EXOC2: variants seen among roughly 807,000 people sequenced by gnomAD.
EXOC2 encodes exocyst complex component 2, also known as SEC5-like 1.
A neutral mutation model predicts 131.8 loss-of-function variants in EXOC2; 70 were observed. The ratio of observed to expected loss-of-function variants is 0.53; its 90% CI spans 0.44 to 0.65. The LOEUF (loss-of-function observed/expected upper bound fraction) is 0.65, where lower values mean the gene tolerates loss of function less well. Among genes scored for constraint, EXOC2 ranks in the 30% least tolerant of loss-of-function variants. The pLI is 0.00. For missense variants in EXOC2, 923 were observed against 1,108.6 expected (o/e 0.83, Z 2.38); for synonymous variants, 411 against 398.4 (o/e 1.03, Z -0.38).
intron 4 of EXOC2, among the ~76,000 whole-genome samples, chr6:627,870 T>C (rs1033985382): frequency 6.6e-6 from 1 of 152,228 alleles, no homozygotes; most frequent in African/African-American, 2.4e-5. Context: ...TAAGTAACAA[T>C]CTGTACAGTA....
At chr6:593,972 C>G (rs969052175) in intron 10 of EXOC2, among the ~76,000 whole-genome samples, 1 of 152,138 alleles carries the variant, frequency 6.6e-6, no homozygotes, top group African/African-American at 2.4e-5. Flanking sequence ...TGTGGGGAGC[C>G]GGATATCCAG....
intron 9 of EXOC2, among the ~76,000 whole-genome samples, chr6:598,500 G>A (rs969034784): frequency 6.6e-6 from 1 of 152,212 alleles, no homozygotes; most frequent in African/African-American, 2.4e-5. Context: ...TTTAAAGGAG[G>A]TTGGAATTCT....
chr6:501,730 G>GTA lies in EXOC2; in HGVS notation c.2381-2032_2381-2031dup, dbSNP rs146473956. On this transcript the variant is annotated intron_variant, in intron 23 of 27. Coordinates refer to ENST00000230449, the MANE Select transcript of EXOC2 (RefSeq NM_018303.6). Reference sequence around the variant, plus strand: ...CTATATAAAAGATATATCTATCTATGTATATATATTGGCTCCTCAAAACAA... The same window carrying GTA: ...CTATATAAAAGATATATCTATCTATGTATATATATATTGGCTCCTCAAAACAA... Among the ~76,000 whole-genome samples, 246 of 137,904 alleles carry GTA rather than the reference G, an allele frequency of 1.8e-3. 6 individuals are homozygous for GTA. The East Asian group carries it at 0.044, about 25-fold the overall frequency. 90.5% of individuals were successfully genotyped at this position (137,904 alleles called of 152,430 possible).
chr6:529,135 T>C (rs6909013), intron 23 of EXOC2, among the ~76,000 whole-genome samples: 65,502 of 139,874 alleles, frequency 0.47, 17,999 homozygotes, highest in South Asian at 0.7. Flanking sequence ...CGCGCCCTGG[T>C]TACTGCTCAC....
intron 6 of EXOC2, 49 bp downstream of exon 6, chr6:617,662 G>T (rs750285700): frequency 6.3e-7 from 1 of 1,590,838 alleles, no homozygotes; most frequent in East Asian, 2.3e-5. Context: ...GGCAGTGCCG[G>T]GTTTCCATGG....
intron 24 of EXOC2, among the ~76,000 whole-genome samples, 187 bp downstream of exon 24, chr6:499,430 AACACACACACACACACACACACACACAC>A (rs5873755): frequency 7.1e-6 from 1 of 141,642 alleles, no homozygotes; most frequent in African/African-American, 2.6e-5. Flanking sequence ...CTCACAGTTA[AACACACACACACACACACACACACACAC>A]ACACACACAC....
intron 22 of EXOC2, among the ~76,000 whole-genome samples, chr6:537,546 T>C (rs147153505): frequency 4.8e-4 from 73 of 152,310 alleles, no homozygotes; most frequent in Non-Finnish European, 9.3e-4. Context: ...TCTGGAAAAC[T>C]ACTCAGAGTT....
At chr6:501,958 C>T (rs1361247783) in intron 23 of EXOC2, among the ~76,000 whole-genome samples, 3 of 151,992 alleles carry the variant, frequency 2.0e-5, no homozygotes, top group Non-Finnish European at 4.4e-5. Flanking sequence ...ACCAGAGAGG[C>T]TTTCTTCCCG....
At chr6:517,879 T>C (rs1480778807) in intron 23 of EXOC2, among the ~76,000 whole-genome samples, 2 of 152,132 alleles carry the variant, frequency 1.3e-5, no homozygotes, top group African/African-American at 4.8e-5. Context: ...AAATATAGAA[T>C]ATGAGAAAAT....
chr6:653,256 CA>C (rs1174327078), intron 1 of EXOC2, among the ~76,000 whole-genome samples: 4 of 152,182 alleles, frequency 2.6e-5, no homozygotes, highest in Admixed American at 6.5e-5. Context: ...CACTGTAAAT[CA>C]AAAGCTAGAA....
intron 1 of EXOC2, among the ~76,000 whole-genome samples, chr6:653,849 GACAGGTTGA>G (rs1007901523): frequency 6.6e-6 from 1 of 152,210 alleles, no homozygotes; most frequent in African/African-American, 2.4e-5. Flanking sequence ...AAGCTTCAAG[GACAGGTTGA>G]CTCTGTTGTT....
At chr6:632,240 G>C (rs1317649679) in intron 3 of EXOC2, among the ~76,000 whole-genome samples, 1 of 152,220 alleles carries the variant, frequency 6.6e-6, no homozygotes, top group Non-Finnish European at 1.5e-5. Context: ...CTATGAGGTA[G>C]CCAATATATT....
chr6:640,683 T>C (rs1377174385), intron 1 of EXOC2, among the ~76,000 whole-genome samples: 1 of 152,140 alleles, frequency 6.6e-6, no homozygotes, highest in Non-Finnish European at 1.5e-5. Flanking sequence ...CGAAGACTCA[T>C]GAGAAGACGC....
intron 11 of EXOC2, among the ~76,000 whole-genome samples, chr6:586,485 GT>G (rs1759214685): frequency 6.6e-6 from 1 of 152,186 alleles, no homozygotes; most frequent in African/African-American, 2.4e-5. Context: ...TGAGGTCTGT[GT>G]AAAATTTCCT....
rs1280940989 is a variant in EXOC2 at position 488,160 on chromosome 6, G to C, written c.2681+819C>G. On this transcript the variant is annotated intron_variant, in intron 27 of 27. Coordinates refer to ENST00000230449, the MANE Select transcript of EXOC2 (RefSeq NM_018303.6). ...CCGGGGACTGATGGTGGAAGGGCTG[G>C]TCTGCTGCCTGCTCTGTGCGTCGAT... 2.0e-5 allele frequency among the ~76,000 whole-genome samples: 3 copies of C among 152,292 alleles called. No homozygotes were observed. In the Middle Eastern group the frequency reaches 0.01, roughly 518 times the overall value.
intron 7 of EXOC2, among the ~76,000 whole-genome samples, chr6:600,408 G>C (rs555681414): frequency 3.3e-5 from 5 of 151,894 alleles, no homozygotes; most frequent in Non-Finnish European, 7.4e-5. Context: ...TAAAACTTTT[G>C]GTCATCAAAG....
At chr6:517,976 A>G (rs896525562) in intron 23 of EXOC2, among the ~76,000 whole-genome samples, 1 of 152,232 alleles carries the variant, frequency 6.6e-6, no homozygotes, top group Non-Finnish European at 1.5e-5. Context: ...AAAGTGACTC[A>G]AGAGAGGTTT....
rs184644773 is a variant in EXOC2 at position 597,035 on chromosome 6, A to G, written c.1073+986T>C. 2.3e-3 allele frequency among the ~76,000 whole-genome samples: 343 copies of G among 152,298 alleles called. 3 individuals are homozygous for G. Among genetic ancestry groups the G allele is most frequent in the Non-Finnish European group, 4.1e-3 (281 of 68,028 alleles). On this transcript the variant is annotated intron_variant, in intron 10 of 27. Transcript: ENST00000230449. ...ATCCTGAGATGCAGATTTGATTACC[A>G]TGTCCATTTCAGATGAAGAAACCGA...
At chr6:632,030 C>A (rs1388292742) in intron 3 of EXOC2, among the ~76,000 whole-genome samples, 1 of 152,186 alleles carries the variant, frequency 6.6e-6, no homozygotes, top group African/African-American at 2.4e-5. Context: ...GATATTCCTA[C>A]ATTATACAAA....
Sources: allele counts gnomAD v4.1 joint callset (sites outside exome capture counted in the v4.1 genomes callset), GRCh38; gene constraint gnomAD v4.1.1; transcripts MANE v1.5; gene names NCBI Gene and HGNC (gene_info 2026-07-23, HGNC 2026-07-21).